The following GSTT4 variants were observed in gnomAD, a reference collection of about 807,000 sequenced individuals.
GSTT4 encodes glutathione S-transferase theta 4.
At chr22:23,997,556 T>C (rs1411373974), downstream of GSTT4, among the ~76,000 whole-genome samples, 2 of 152,132 alleles carry the variant, frequency 1.3e-5, no homozygotes, top group Non-Finnish European at 2.9e-5. Context: ...ATTTGACCCT[T>C]ATTTTTTTCA....
At chr22:24,003,249 T>C (rs771898980) in intron 2 of GSTT4, among the ~76,000 whole-genome samples, 2 of 152,276 alleles carry the variant, frequency 1.3e-5, no homozygotes, top group Non-Finnish European at 2.9e-5. Context: ...TCTCACTCTG[T>C]TGCCCACGCT....
chr22:23,993,251 C>T, the GSTT4 span, among the ~76,000 whole-genome samples: 6 of 152,148 alleles, frequency 3.9e-5, no homozygotes, highest in Admixed American at 1.3e-4. Flanking sequence ...TTTTTAGAGA[C>T]GAGGTCCTGC....
rs1469057363 is a variant in GSTT4 at position 24,005,443 on chromosome 22, C to T, written c.-87G>A. 3 of 153,080 alleles carry T rather than the reference C, an allele frequency of 2.0e-5. No homozygotes were observed. Among genetic ancestry groups the T allele is most frequent in the Non-Finnish European group, 4.4e-5 (3 of 68,302 alleles). The allele number at this position is 153,080 out of a possible 1,614,324, so 9.5% of individuals were successfully genotyped here. ...TGGCCAGAGTCCCTGGCCCTGTGCC[C>T]TCTCCGATCTGGGCCCAGGATCCTG... is the stretch of plus-strand genomic sequence containing the variant. On this transcript the variant is annotated 5_prime_UTR_variant, in exon 1 of 5. Transcript: ENST00000621179.
At chr22:23,991,226 C>G in the GSTT4 span, 1 of 105,660 alleles carries the variant, frequency 9.5e-6, no homozygotes, top group Admixed American at 1.0e-4. Flanking sequence ...GTTTCCACAC[C>G]GGAGAGTCTG....
At chr22:23,996,899 A>C (rs751586906), downstream of GSTT4, among the ~76,000 whole-genome samples, 18 of 152,084 alleles carry the variant, frequency 1.2e-4, no homozygotes, top group Non-Finnish European at 1.5e-4. Context: ...AGAGTTTGTG[A>C]AGGCTTTGTG....
chr22:23,996,821 G>A (rs1481217723), downstream of GSTT4, among the ~76,000 whole-genome samples: 4 of 152,048 alleles, frequency 2.6e-5, no homozygotes, highest in African/African-American at 9.7e-5. Context: ...TTCTGTCTTT[G>A]GTATCAGAGT....
Position 24,004,258 on chromosome 22 carries a change from AG to A in GSTT4, c.113-412del, listed in dbSNP as rs1242873166. On this transcript the variant is annotated intron_variant, in intron 1 of 4. Transcript: ENST00000621179. Reference sequence around the variant, plus strand: ...TCTCCACTTTAAGGAAGCCAGGCCCAGCACACAGCTGGACATCCAAAGGGAA... The same window carrying A: ...TCTCCACTTTAAGGAAGCCAGGCCCACACACAGCTGGACATCCAAAGGGAA... The A allele has an allele frequency of 2.0e-5, 3 of 153,008 alleles. No individual in the cohort carries two copies. The Admixed American group carries it at 2.0e-4, about 10-fold the overall frequency. The allele number at this position is 153,008 out of a possible 1,614,324, so 9.5% of individuals were successfully genotyped here.
chr22:23,995,723 C>T (rs923817575), downstream of GSTT4, among the ~76,000 whole-genome samples: 57 of 152,136 alleles, frequency 3.7e-4, 1 homozygote, highest in African/African-American at 1.4e-3. Context: ...TGCATGTTTT[C>T]TCAGGTCAGA....
chr22:23,994,208 A>C (rs369024124), downstream of GSTT4, among the ~76,000 whole-genome samples: 89 of 148,954 alleles, frequency 6.0e-4, no homozygotes, highest in Middle Eastern at 0.01. Context: ...CTTTTGAACA[A>C]TGTAATCATA....
At chr22:23,999,829 C>G (rs1394215122) in intron 4 of GSTT4, among the ~76,000 whole-genome samples, 1 of 151,612 alleles carries the variant, frequency 6.6e-6, no homozygotes, top group African/African-American at 2.4e-5. Flanking sequence ...GCTCACCCTC[C>G]GGGTCCTCCC....
the GSTT4 span, among the ~76,000 whole-genome samples, chr22:23,993,265 G>T: frequency 6.6e-6 from 1 of 152,146 alleles, no homozygotes; most frequent in African/African-American, 2.4e-5. Flanking sequence ...GTCCTGCTGC[G>T]TTGCCCAGGC....
chr22:23,991,792 C>T, the GSTT4 span, among the ~76,000 whole-genome samples: 1 of 140,610 alleles, frequency 7.1e-6, no homozygotes, highest in Non-Finnish European at 1.6e-5. Flanking sequence ...CGGTGGCTCA[C>T]GCCTGTAATC....
At chr22:23,998,996 C>A (rs1011926018) in intron 4 of GSTT4, among the ~76,000 whole-genome samples, 1 of 152,238 alleles carries the variant, frequency 6.6e-6, no homozygotes, top group Non-Finnish European at 1.5e-5. Context: ...GGCTCCTGGC[C>A]CAGGCACTTC....
chr22:24,002,292 A>T (rs1411843154), intron 2 of GSTT4, among the ~76,000 whole-genome samples: 5 of 152,226 alleles, frequency 3.3e-5, no homozygotes, highest in African/African-American at 4.8e-5. Context: ...GCCAGCAACT[A>T]TCGGGAAGGT....
At chr22:24,003,026 T>G (rs2034268344) in intron 2 of GSTT4, among the ~76,000 whole-genome samples, 1 of 152,218 alleles carries the variant, frequency 6.6e-6, no homozygotes, top group Admixed American at 6.5e-5. Flanking sequence ...TGGAGTGCAG[T>G]GGCGCAATCA....
intron 4 of GSTT4, among the ~76,000 whole-genome samples, 178 bp from the exon 5 acceptor site, chr22:23,998,917 G>T (rs1341695185): frequency 6.6e-6 from 1 of 152,246 alleles, no homozygotes; most frequent in Non-Finnish European, 1.5e-5. Context: ...GGGGATGGAG[G>T]ATCCAGAATC....
downstream of GSTT4, among the ~76,000 whole-genome samples, chr22:23,996,447 T>G (rs187637320): frequency 3.2e-4 from 49 of 152,308 alleles, no homozygotes; most frequent in Non-Finnish European, 5.4e-4. Context: ...ACGCTTGATC[T>G]TTCACAATGG....
chr22:23,996,760 C>A (rs2034120607), downstream of GSTT4, among the ~76,000 whole-genome samples: 1 of 152,186 alleles, frequency 6.6e-6, no homozygotes, highest in Non-Finnish European at 1.5e-5. Context: ...ATTTTTACAT[C>A]TATATTTATA....
downstream of GSTT4, among the ~76,000 whole-genome samples, chr22:23,993,543 G>A (rs528103852): frequency 3.6e-4 from 54 of 151,826 alleles, no homozygotes; most frequent in African/African-American, 1.2e-3. Flanking sequence ...TCAGAACCTG[G>A]GCTGGAGGCC....
Sources: gnomAD v4.1 joint callset for allele counts (sites outside exome capture counted in the v4.1 genomes callset) on GRCh38, gnomAD v4.1.1 for gene constraint, MANE v1.5 for transcripts, NCBI Gene and HGNC (gene_info 2026-07-23, HGNC 2026-07-21) for gene names.